Variants in DCDC1 observed in about 807,000 individuals in gnomAD.
DCDC1 encodes the protein doublecortin domain containing 1.
DCDC1 carries 200 observed loss-of-function variants against 178.3 expected under a neutral mutation model. The observed-to-expected ratio is 1.12, with a 90% CI of 1.00 to 1.26. The LOEUF is 1.26. Ranked by LOEUF, DCDC1 falls within the 50% of genes most tolerant of loss-of-function variation. DCDC1 has a pLI of 0.00. For synonymous variants in DCDC1, 690 were observed against 604.8 expected, an observed-to-expected ratio of 1.14 and a Z score of -2.07; for missense variants, 1,983 against 1,749.2, an observed-to-expected ratio of 1.13 and a Z score of -2.38.
At chr11:31,062,076 G>A (rs1184062963) in intron 20 of DCDC1, among the ~76,000 whole-genome samples, 1 of 152,056 alleles carries the variant, frequency 6.6e-6, no homozygotes, top group Non-Finnish European at 1.5e-5. Flanking sequence ...GGCAAAGCAG[G>A]TGAGTTATCA....
chr11:31,141,088 C>G (rs932930274), intron 9 of DCDC1, among the ~76,000 whole-genome samples: 2 of 152,144 alleles, frequency 1.3e-5, no homozygotes, highest in African/African-American at 4.8e-5. Flanking sequence ...GTCAGAACAG[C>G]AGTGATCCCA....
intron 20 of DCDC1, among the ~76,000 whole-genome samples, chr11:31,032,816 TA>T (rs1195427612): frequency 6.6e-6 from 1 of 152,192 alleles, no homozygotes; most frequent in Non-Finnish European, 1.5e-5. Flanking sequence ...TTGAAAGAGC[TA>T]ACAGGAGGAT....
chr11:31,244,254 T>G (rs2774409), intron 8 of DCDC1, among the ~76,000 whole-genome samples: 105,330 of 151,574 alleles, frequency 0.69, 37,716 homozygotes, highest in East Asian at 0.95. Context: ...GAAGTCGCTC[T>G]ACTTTTTAAC....
At chr11:30,940,138 T>A (rs776769651) in intron 21 of DCDC1, among the ~76,000 whole-genome samples, 2 of 152,192 alleles carry the variant, frequency 1.3e-5, no homozygotes, top group Non-Finnish European at 2.9e-5. Flanking sequence ...AATTATCCCA[T>A]AGAACTTATG....
At chr11:31,351,094 G>T in intron 1 of DCDC1, among the ~76,000 whole-genome samples, 1 of 151,908 alleles carries the variant, frequency 6.6e-6, no homozygotes, top group East Asian at 1.9e-4. Context: ...CATTATTTCT[G>T]TTCACTATTC....
At chr11:31,318,544 CTCTT>C (rs1431181653) in intron 3 of DCDC1, among the ~76,000 whole-genome samples, 1 of 2,978 alleles carries the variant, frequency 3.4e-4, no homozygotes, top group East Asian at 2.6e-3. Context: ...TGATTCTTCT[CTCTT>C]TTTTTCTTTA....
intron 38 of DCDC1, among the ~76,000 whole-genome samples, chr11:30,877,224 T>C (rs1252745923): frequency 6.6e-6 from 1 of 152,098 alleles, no homozygotes; most frequent in East Asian, 1.9e-4. Flanking sequence ...TCAGTAGAAA[T>C]GATATACTGC....
chr11:30,910,898 C>A (rs1327596820), intron 28 of DCDC1, among the ~76,000 whole-genome samples: 1 of 152,140 alleles, frequency 6.6e-6, no homozygotes, highest in Non-Finnish European at 1.5e-5. Context: ...TTCGGGAAGA[C>A]CTCCCTGACT....
intron 11 of DCDC1, among the ~76,000 whole-genome samples, chr11:31,121,817 TC>T (rs1156411275): frequency 1.3e-5 from 2 of 151,954 alleles, no homozygotes; most frequent in African/African-American, 4.8e-5. Flanking sequence ...AAGATAATCA[TC>T]CCCATTTATT....
chr11:31,013,413 G>A (rs1192252140), intron 20 of DCDC1, among the ~76,000 whole-genome samples: 2 of 152,014 alleles, frequency 1.3e-5, no homozygotes, highest in African/African-American at 2.4e-5. Context: ...CCAGTGTAAC[G>A]CAACATGTCT....
chr11:30,955,767 T>C (rs552478918), intron 20 of DCDC1, among the ~76,000 whole-genome samples: 1 of 152,318 alleles, frequency 6.6e-6, no homozygotes, highest in East Asian at 1.9e-4. Flanking sequence ...AGATTCATGG[T>C]CCAGCGTCAT....
intron 15 of DCDC1, among the ~76,000 whole-genome samples, chr11:31,099,227 G>A (rs1958343268): frequency 6.6e-6 from 1 of 152,164 alleles, no homozygotes; most frequent in African/African-American, 2.4e-5. Context: ...TCAGCTAACT[G>A]AATATCTAGA....
At chr11:31,068,570 G>A (rs1956381360) in intron 18 of DCDC1, among the ~76,000 whole-genome samples, 1 of 152,120 alleles carries the variant, frequency 6.6e-6, no homozygotes, top group Non-Finnish European at 1.5e-5. Context: ...TTTTGTGTGG[G>A]TGTGGGTATG....
At chr11:30,914,071 A>T (rs1288201885) in intron 27 of DCDC1, among the ~76,000 whole-genome samples, 2 of 152,270 alleles carry the variant, frequency 1.3e-5, no homozygotes, top group Non-Finnish European at 1.5e-5. Flanking sequence ...AACAGCTCCT[A>T]AAACACTGCC....
chr11:31,098,683 G>C (rs1958309886), intron 15 of DCDC1, among the ~76,000 whole-genome samples: 1 of 152,104 alleles, frequency 6.6e-6, no homozygotes, highest in Non-Finnish European at 1.5e-5. Context: ...ATGCCCTATA[G>C]ATATCCATCA....
intron 17 of DCDC1, among the ~76,000 whole-genome samples, chr11:31,081,928 A>G (rs1262426107): frequency 2.6e-5 from 4 of 152,180 alleles, no homozygotes; most frequent in Non-Finnish European, 5.9e-5. Context: ...TAAAGAAATA[A>G]AATTTCTACA....
intron 9 of DCDC1, among the ~76,000 whole-genome samples, chr11:31,239,312 G>C (rs1976827322): frequency 6.6e-6 from 1 of 151,988 alleles, no homozygotes; most frequent in South Asian, 2.1e-4. Flanking sequence ...TCTTAAGAAG[G>C]ATATTTGCTA....
chr11:31,067,698 T>G (rs999763555), intron 18 of DCDC1, among the ~76,000 whole-genome samples: 5 of 152,194 alleles, frequency 3.3e-5, no homozygotes, highest in African/African-American at 1.2e-4. Context: ...AATGGAATAT[T>G]ATTTGGCAAC....
At chr11:30,917,132 A>T in intron 25 of DCDC1, 104 bp from the exon 26 acceptor site, 2 of 1,124,896 alleles carry the variant, frequency 1.8e-6, no homozygotes, top group Non-Finnish European at 2.4e-6. Context: ...ATGTTGGTGG[A>T]TCTATAAATC....
Sources: allele counts gnomAD v4.1 joint callset (sites outside exome capture counted in the v4.1 genomes callset), GRCh38; gene constraint gnomAD v4.1.1; transcripts MANE v1.5; gene names NCBI Gene and HGNC (gene_info 2026-07-23, HGNC 2026-07-21).